Variants in EZH1 observed in about 807,000 individuals in gnomAD.
The protein encoded by EZH1 is enhancer of zeste 1 polycomb repressive complex 2 subunit.
In EZH1, 33 loss-of-function variants were observed where a neutral mutation model predicts 100.5. The observed-to-expected ratio is 0.33, with a 90% CI of 0.25 to 0.44. EZH1 has a LOEUF of 0.44. EZH1 is among the 20% of genes least tolerant of loss of function. The probability of loss-of-function intolerance (pLI) is 1.00; values close to 1 mark genes in which losing one functional copy is unlikely to be tolerated. For synonymous variants in EZH1, 272 were observed against 313.8 expected, an observed-to-expected ratio of 0.87 and a Z score of 1.41; for missense variants, 475 against 928.4, an observed-to-expected ratio of 0.51 and a Z score of 6.35.
At position 42,709,954 on chromosome 17, in the gene EZH1, A is replaced by G. The variant is rs367750990; in HGVS notation, c.1402-17T>C. 1.0e-4 allele frequency: 165 copies of G among 1,613,078 alleles called. No individual in the cohort carries two copies. The highest frequency in any genetic ancestry group is 1.4e-4 in the South Asian group (13 of 91,076). On this transcript the variant is annotated splice_polypyrimidine_tract_variant and intron_variant, in intron 12 of 20. Transcript: ENST00000428826. ...CTGAAAGACCTGGAAGAGAAATCCA[A>G]CGGGCCTGTCACTCCTCGAGCAAGG... is the stretch of plus-strand genomic sequence containing the variant.
chr17:42,726,551 G>C (rs187418718), intron 4 of EZH1, among the ~76,000 whole-genome samples: 1 of 150,394 alleles, frequency 6.6e-6, no homozygotes, highest in Non-Finnish European at 1.5e-5. Context: ...TGCTCTTGTT[G>C]CCCAGGCTGA....
In EZH1 at chr17:42,702,521, G is replaced by A; in HGVS notation, c.*11C>T. 2 of 1,554,706 alleles carry A rather than the reference G, an allele frequency of 1.3e-6. No individual in the cohort carries two copies. The highest frequency in any genetic ancestry group is 1.7e-6 in the Non-Finnish European group (2 of 1,146,864). The stretch of plus-strand genomic sequence containing the variant: ...CCGCTACCATAAGTGCTGCCGTGGG[G>A]CCTGGGAGGGCTAAAGGACGTCGGT... On this transcript the variant is annotated 3_prime_UTR_variant, in exon 21 of 21. Coordinates refer to ENST00000428826, the MANE Select transcript of EZH1 (RefSeq NM_001991.5).
intron 16 of EZH1, 26 bp downstream of exon 16, chr17:42,705,981 T>C (rs1356550147): frequency 6.3e-7 from 1 of 1,586,972 alleles, no homozygotes; most frequent in Non-Finnish European, 8.6e-7. Context: ...TTTTATGTGG[T>C]GTGGGGTCCT....
chr17:42,726,066 A>T (rs2053813646), intron 4 of EZH1, among the ~76,000 whole-genome samples: 1 of 151,774 alleles, frequency 6.6e-6, no homozygotes, highest in South Asian at 2.1e-4. Context: ...TTTAGTAGAG[A>T]CAGGGTTTCA....
chr17:42,731,926 A>T (rs531537298), intron 1 of EZH1: 1 of 152,322 alleles, frequency 6.6e-6, no homozygotes, highest in South Asian at 2.1e-4. Context: ...AAAACAAAAC[A>T]TTACAAGGAG....
In EZH1 at chr17:42,730,800, A is replaced by G. The variant is rs186824352; in HGVS notation, c.-12+28T>C. On this transcript the variant is annotated intron_variant, in intron 2 of 20. Coordinates refer to ENST00000428826, the MANE Select transcript of EZH1 (RefSeq NM_001991.5). ...CGTGAGCCACCGCGCCCGGCCAAGA[A>G]GTATGTATTCTAATATACTTTACCT... 816 of 968,504 alleles carry G rather than the reference A, an allele frequency of 8.4e-4. 7 individuals carry two copies. In the African/African-American group the frequency reaches 0.014, roughly 16 times the overall value. The allele number at this position is 968,504 out of a possible 1,614,324, so 60.0% of individuals were successfully genotyped here. A position where few individuals can be genotyped will look rare whatever the true frequency, so the allele number is the denominator to read the frequency against.
At chr17:42,723,173 G>A (rs1197352293) in intron 5 of EZH1, among the ~76,000 whole-genome samples, 2 of 152,090 alleles carry the variant, frequency 1.3e-5, no homozygotes, top group South Asian at 2.1e-4. Context: ...TCAGGAGATC[G>A]AGACCATCCT....
chr17:42,714,005 C>T (rs1389684388), intron 10 of EZH1, among the ~76,000 whole-genome samples: 1 of 152,094 alleles, frequency 6.6e-6, no homozygotes, highest in Non-Finnish European at 1.5e-5. Context: ...TCCAGTCTAC[C>T]ACACTTTCTC....
At chr17:42,713,769 A>G (rs2053537752) in intron 10 of EZH1, among the ~76,000 whole-genome samples, 2 of 152,192 alleles carry the variant, frequency 1.3e-5, no homozygotes, top group South Asian at 2.1e-4. Flanking sequence ...CTAATGTCCT[A>G]TAATCTTAAA....
At chr17:42,722,939 T>C (rs2053744406) in intron 5 of EZH1, 24 bp from the exon 6 acceptor site, 2 of 1,607,864 alleles carry the variant, frequency 1.2e-6, no homozygotes, top group South Asian at 2.2e-5. Context: ...AGATGTGATT[T>C]ATTCCATGAA....
At chr17:42,715,725 A>G (rs1028161249) in intron 10 of EZH1, among the ~76,000 whole-genome samples, 6 of 152,296 alleles carry the variant, frequency 3.9e-5, no homozygotes, top group Admixed American at 3.3e-4. Context: ...TTTAAAAGTG[A>G]TAGAATTATT....
At chr17:42,707,921 G>A in intron 15 of EZH1, 37 bp downstream of exon 15, 1 of 1,612,678 alleles carries the variant, frequency 6.2e-7, no homozygotes, top group Non-Finnish European at 8.5e-7. Context: ...GGAGCCAACT[G>A]TTTTGGTAGA....
intron 1 of EZH1, among the ~76,000 whole-genome samples, chr17:42,732,748 G>C (rs567858866): frequency 6.6e-6 from 1 of 151,684 alleles, no homozygotes; most frequent in East Asian, 1.9e-4. Context: ...CAGCCTGGGC[G>C]ATAGCGAGAC....
chr17:42,724,443 C>T lies in EZH1; in HGVS notation c.247-19G>A. On this transcript the variant is annotated intron_variant, in intron 4 of 20. Coordinates refer to ENST00000428826, the MANE Select transcript of EZH1 (RefSeq NM_001991.5). Reference sequence around the variant, plus strand: ...TGGTACACTGAAATATAAGCAATGACATGGAGAGGGAAAGACGGGCATATA... The same window carrying T: ...TGGTACACTGAAATATAAGCAATGATATGGAGAGGGAAAGACGGGCATATA... The T allele has an allele frequency of 1.2e-6, 2 of 1,611,888 alleles. No individual in the cohort carries two copies. Among genetic ancestry groups the T allele is most frequent in the East Asian group, 2.2e-5 (1 of 44,788 alleles).
chr17:42,731,365 G>A (rs1362459765), intron 1 of EZH1, among the ~76,000 whole-genome samples: 2 of 151,850 alleles, frequency 1.3e-5, no homozygotes, highest in Non-Finnish European at 2.9e-5. Flanking sequence ...TGCCTGCCTC[G>A]GCCTCCCAAA....
At chr17:42,744,773 CACACAGCCCTCGCAGCCCCAG>C (rs1487134734) in intron 1 of EZH1, among the ~76,000 whole-genome samples, 1 of 149,372 alleles carries the variant, frequency 6.7e-6, no homozygotes, top group African/African-American at 2.5e-5. Context: ...TCCTCCCGGG[CACACAGCCCTCGCAGCCCCAG>C]ACGCTGTCCT....
intron 15 of EZH1, among the ~76,000 whole-genome samples, chr17:42,707,281 G>A (rs759168485): frequency 6.6e-6 from 1 of 151,340 alleles, no homozygotes; most frequent in Non-Finnish European, 1.5e-5. Context: ...TTCTTTTTGA[G>A]ACAGAGTCTT....
chr17:42,719,562 C>T (rs1195883732), intron 7 of EZH1, among the ~76,000 whole-genome samples: 3 of 152,102 alleles, frequency 2.0e-5, no homozygotes, highest in Non-Finnish European at 2.9e-5. Context: ...CATGGTAAAA[C>T]CCCAACTCTA....
chr17:42,722,853 ATCT>A lies in EZH1; in HGVS notation c.426_428del (p.Glu142del). 6.2e-7 allele frequency: 1 copy of A among 1,614,018 alleles called. No homozygotes were observed. Among genetic ancestry groups the A allele is most frequent in the Non-Finnish European group, 8.5e-7 (1 of 1,179,988 alleles). On this transcript the variant is annotated inframe_deletion, in exon 6 of 21. Coordinates refer to ENST00000428826, the MANE Select transcript of EZH1 (RefSeq NM_001991.5). ...TGATCAGCTCCTCAATAAAAGTCTCATCTTCTTCTTTCACTTCATCTCCCATGT... is the reference window on the plus strand; with the variant it reads ...TGATCAGCTCCTCAATAAAAGTCTCATCTTCTTTCACTTCATCTCCCATGT...
Sources: gnomAD v4.1 joint callset for allele counts (sites outside exome capture counted in the v4.1 genomes callset) on GRCh38, gnomAD v4.1.1 for gene constraint, MANE v1.5 for transcripts, NCBI Gene and HGNC (gene_info 2026-07-23, HGNC 2026-07-21) for gene names.